The following GPAA1 variants were observed in gnomAD, a reference collection of about 807,000 sequenced individuals.
GPAA1 encodes glycosylphosphatidylinositol anchor attachment 1.
In GPAA1, 54 loss-of-function variants were observed where a neutral mutation model predicts 64.0. That is an observed-to-expected ratio of 0.84 (90% confidence interval 0.68 to 1.06). The LOEUF (loss-of-function observed/expected upper bound fraction) is 1.06, where lower values mean the gene tolerates loss of function less well. Ranked by LOEUF, GPAA1 falls within the 50% of genes least tolerant of loss-of-function variation. The pLI is 0.00. For synonymous variants in GPAA1, 393 were observed against 377.3 expected (o/e 1.04, Z -0.48); for missense variants, 780 against 822.3 (o/e 0.95, Z 0.63).
chr8:144,082,667 T>C lies in GPAA1; in HGVS notation c.-64T>C. On this transcript the variant is annotated 5_prime_UTR_variant, in exon 1 of 12. Coordinates refer to ENST00000355091, the MANE Select transcript of GPAA1 (RefSeq NM_003801.4). ...GTCCCCGGGTCTGACAGGAGCAGCC[T>C]GTGGGCACCGCGGCGGTAGTTGGAG... 2 of 978,198 alleles carry C rather than the reference T, an allele frequency of 2.0e-6. No homozygotes were observed. The highest frequency in any genetic ancestry group is 5.1e-5 in the East Asian group (1 of 19,764). 60.6% of individuals were successfully genotyped at this position (978,198 alleles called of 1,614,324 possible).
Position 144,084,810 on chromosome 8 carries a change from C to T in GPAA1, c.1099C>T (p.Arg367Cys), listed in dbSNP as rs1160454730. The change falls in exon 8 of 12, where the codon CGC becomes TGC. Residue 367 changes from arginine to cysteine, a missense_variant. Transcript: ENST00000355091. ...FFLYLLPGLS[R>C]FVSIGLYMPA... is the part of the protein sequence containing the mutation. The stretch of plus-strand genomic sequence containing the variant: ...CCTCTACTTGCTCCCCGGCCTCTCC[C>T]GCTTCGTCTCCATCGGCCTCTACAT... 23 of 1,613,596 alleles carry T rather than the reference C, an allele frequency of 1.4e-5. No homozygotes were observed. Among genetic ancestry groups the T allele is most frequent in the African/African-American group, 2.7e-5 (2 of 74,926 alleles).
rs1564303840 is a variant in GPAA1, at chr8:144,082,961, G to T, written c.74+157G>T. On this transcript the variant is annotated intron_variant, in intron 1 of 11. Coordinates refer to ENST00000355091, the MANE Select transcript of GPAA1 (RefSeq NM_003801.4). Reference sequence around the variant, plus strand: ...CTCCTGCCCTCTGGAAGCACTGAGGGTATCAGGCCCAGGCTTAGGGCTCGG... The same window carrying T: ...CTCCTGCCCTCTGGAAGCACTGAGGTTATCAGGCCCAGGCTTAGGGCTCGG... 3 of 875,342 alleles carry T rather than the reference G, an allele frequency of 3.4e-6. No individual in the cohort carries two copies. The African/African-American group carries it at 5.1e-5, about 15-fold the overall frequency. The allele number at this position is 875,342 out of a possible 1,614,324, so 54.2% of individuals were successfully genotyped here. A position where few individuals can be genotyped will look rare whatever the true frequency, so the allele number is the denominator to read the frequency against.
intron 9 of GPAA1, 28 bp from the exon 10 acceptor site, chr8:144,085,261 C>G: frequency 6.4e-7 from 1 of 1,566,164 alleles, no homozygotes; most frequent in Non-Finnish European, 8.7e-7. Context: ...CCCCAGGGTC[C>G]ATCTCCAAGA....
In GPAA1 at chr8:144,085,986, A is replaced by G; in HGVS notation, c.1727A>G (p.Glu576Gly). The change falls in exon 12 of 12, where the codon GAG (glutamate) becomes GGG (glycine). Residue 576 changes from glutamate to glycine, a missense_variant. By Grantham distance (98) the Glu-to-Gly change is moderately conservative. Coordinates refer to ENST00000355091, the MANE Select transcript of GPAA1 (RefSeq NM_003801.4). ...CAGGAGGCGCCACTGTCACTGGCCG[A>G]GGGCTGGCAGCTCTTCCTGGCAGCG... ...ELQEAPLSLA[E>G]GWQLFLAALA... 3 of 1,608,286 alleles carry G rather than the reference A, an allele frequency of 1.9e-6. No individual in the cohort carries two copies. The highest frequency in any genetic ancestry group is 2.5e-6 in the Non-Finnish European group (3 of 1,179,910).
In GPAA1 at chr8:144,082,720, C is replaced by A; in HGVS notation, c.-11C>A. The A allele has an allele frequency of 6.9e-7, 1 of 1,453,208 alleles. No homozygotes were observed. Among genetic ancestry groups the A allele is most frequent in the South Asian group, 1.4e-5 (1 of 73,816 alleles). The allele number at this position is 1,453,208 out of a possible 1,614,324, so 90.0% of individuals were successfully genotyped here. A position where few individuals can be genotyped will look rare whatever the true frequency, so the allele number is the denominator to read the frequency against. On this transcript the variant is annotated 5_prime_UTR_variant, in exon 1 of 12. Coordinates refer to ENST00000355091, the MANE Select transcript of GPAA1 (RefSeq NM_003801.4). ...GGGAGAGGGTCCGTAGCCGCGCCGCCCTGCCCCGCCATGGGCCTCCTGTCG... is the reference window on the plus strand; with the variant it reads ...GGGAGAGGGTCCGTAGCCGCGCCGCACTGCCCCGCCATGGGCCTCCTGTCG...
chr8:144,084,915 C>T (rs1554764133), intron 8 of GPAA1, 40 bp downstream of exon 8: 1 of 1,607,496 alleles, frequency 6.2e-7, no homozygotes, highest in Middle Eastern at 1.7e-4. Flanking sequence ...GACCAGCCTC[C>T]AGTCTCCTCA....
chr8:144,084,216 C>T lies in GPAA1; in HGVS notation c.699C>T (p.Thr233=), dbSNP rs782732546. 1 of 1,613,720 alleles carries T rather than the reference C, an allele frequency of 6.2e-7. No individual in the cohort carries two copies. The highest frequency in any genetic ancestry group is 1.1e-5 in the South Asian group (1 of 91,086). The change falls in exon 6 of 12, where the codon ACC becomes ACT. Residue 233 remains threonine, a synonymous_variant. Transcript: ENST00000355091. ...VALELSSDVV[T]SLDVAVEGLN... ...TGGAGCTGAGCAGTGATGTGGTCAC[C>T]AGCCTCGATGTGGCCGTGGAGGGGC...
chr8:144,085,888 C>G lies in GPAA1; in HGVS notation c.1629C>G (p.Leu543=). The part of the protein sequence containing the change: ...ALAKPHGPRT[L]YAALLVLTSP... ...ATGTTGCTTCTCCACCCAGGACCCT[C>G]TATGCTGCCCTGCTGGTGCTGACCA... Residue 543 remains leucine (L), a synonymous_variant, in exon 12 of 12, where the codon CTC becomes CTG. Coordinates refer to ENST00000355091, the MANE Select transcript of GPAA1 (RefSeq NM_003801.4). The G allele has an allele frequency of 6.2e-7, 1 of 1,606,568 alleles. No homozygotes were observed. Among genetic ancestry groups the G allele is most frequent in the South Asian group, 1.1e-5 (1 of 90,914 alleles).
At position 144,086,029 on chromosome 8, in the gene GPAA1, G is replaced by A; in HGVS notation, c.1770G>A (p.Leu590=). ...TGGCAGCGCTAGCCCAGGGTGTGCT[G>A]GAGCACCACACCTACGGCGCCCTGC... ...LFLAALAQGV[L]EHHTYGALLF... Residue 590 remains leucine (L), a synonymous_variant, in exon 12 of 12, where the codon CTG becomes CTA. Coordinates refer to ENST00000355091, the MANE Select transcript of GPAA1 (RefSeq NM_003801.4). 6.2e-7 allele frequency: 1 copy of A among 1,612,452 alleles called. No individual in the cohort carries two copies. The highest frequency in any genetic ancestry group is 8.5e-7 in the Non-Finnish European group (1 of 1,179,968).
In GPAA1 at chr8:144,084,122, T is replaced by C; in HGVS notation, c.617-12T>C. ...ACGTCCTCCATTAGCACTCATTCACTTGCTCCTACAGGCATGCAGTCGTCT... is the reference window on the plus strand; with the variant it reads ...ACGTCCTCCATTAGCACTCATTCACCTGCTCCTACAGGCATGCAGTCGTCT... On this transcript the variant is annotated splice_polypyrimidine_tract_variant and intron_variant, in intron 5 of 11. Transcript: ENST00000355091. The C allele has an allele frequency of 6.2e-7, 1 of 1,613,358 alleles. No homozygotes were observed. Among genetic ancestry groups the C allele is most frequent in the Non-Finnish European group, 8.5e-7 (1 of 1,179,704 alleles).
chr8:144,083,814 A>G lies in GPAA1; in HGVS notation c.467A>G (p.Asn156Ser), dbSNP rs539348473. Residue 156 changes from asparagine (N) to serine (S), a missense_variant, in exon 4 of 12, where the codon AAC becomes AGC. Physicochemically the swap from Asn to Ser is conservative, Grantham distance 46. Coordinates refer to ENST00000355091, the MANE Select transcript of GPAA1 (RefSeq NM_003801.4). ...LTVPCGSDST[N>S]SQAVGLLLAL... is the part of the protein sequence containing the mutation. ...GTGCCCTGTGGCTCTGACTCTACCA[A>G]CAGCCAGGCTGTGGGGCTGCTGCTG... The G allele has an allele frequency of 1.2e-6, 2 of 1,610,726 alleles. No individual in the cohort carries two copies. The highest frequency in any genetic ancestry group is 2.7e-5 in the African/African-American group (2 of 75,060).
At chr8:144,083,587 G>T (rs1270895096) in intron 3 of GPAA1, 87 bp downstream of exon 3, 2 of 1,427,902 alleles carry the variant, frequency 1.4e-6, no homozygotes, top group Non-Finnish European at 2.0e-6. Context: ...GGGGTGTCAT[G>T]GGGCCAGGAA....
At chr8:144,083,623 G>T in intron 3 of GPAA1, 91 bp from the exon 4 acceptor site, 1 of 1,422,394 alleles carries the variant, frequency 7.0e-7, no homozygotes, top group East Asian at 2.3e-5. Flanking sequence ...AATCCCTGGT[G>T]GGCACTGGAG....
rs375932039 is a variant in GPAA1, at chr8:144,083,213, T to C, written c.164T>C (p.Met55Thr). The change falls in exon 2 of 12, where the codon ATG becomes ACG. Residue 55 changes from methionine to threonine, a missense_variant. Physicochemically the swap from Met to Thr is moderately conservative, Grantham distance 81. Transcript: ENST00000355091. ...TQRTYMSENA[M>T]GSTMVEEQFA... ...CGCACTTACATGTCGGAGAACGCCA[T>C]GGGCTCCACCATGGTGGAGGAGCAG... 3.7e-6 allele frequency: 6 copies of C among 1,612,352 alleles called. No homozygotes were observed. The highest frequency in any genetic ancestry group is 5.1e-6 in the Non-Finnish European group (6 of 1,179,414).
chr8:144,084,542 G>A lies in GPAA1; in HGVS notation c.943G>A (p.Glu315Lys). Residue 315 changes from glutamate to lysine, a missense_variant, in exon 7 of 12, where the codon GAG becomes AAG. By Grantham distance (56) the Glu-to-Lys change is moderately conservative. Transcript: ENST00000355091. ...TGGCCTCTTCCTGCGCTACCGTGTGGAGGCCCTAACCCTGCGTGGCATCAA... is the reference window on the plus strand; with the variant it reads ...TGGCCTCTTCCTGCGCTACCGTGTGAAGGCCCTAACCCTGCGTGGCATCAA... ...SHGLFLRYRV[E>K]ALTLRGINSF... 6.2e-7 allele frequency: 1 copy of A among 1,614,014 alleles called. No homozygotes were observed. The highest frequency in any genetic ancestry group is 8.5e-7 in the Non-Finnish European group (1 of 1,180,020).
chr8:144,083,602 A>G, intron 3 of GPAA1, 102 bp downstream of exon 3: 1 of 1,409,046 alleles, frequency 7.1e-7, no homozygotes, highest in Non-Finnish European at 1.0e-6. Flanking sequence ...CAGGAAGCTC[A>G]GTGGGAGGGA....
Position 144,085,300 on chromosome 8 carries a change from G to A in GPAA1, c.1272G>A (p.Leu424=). Reference sequence around the variant, plus strand: ...TGTGTGCCCTGCAGGGTGTGGGGCTGGCCTCGCTCGTGGCACCTCTGCTGA... The same window carrying A: ...TGTGTGCCCTGCAGGGTGTGGGGCTAGCCTCGCTCGTGGCACCTCTGCTGA... ...VPLPPSQGVG[L]ASLVAPLLIS... Residue 424 remains leucine (L), a synonymous_variant, in exon 10 of 12, where the codon CTG becomes CTA. Transcript: ENST00000355091. 1.2e-6 allele frequency: 2 copies of A among 1,604,244 alleles called. No individual in the cohort carries two copies. Among genetic ancestry groups the A allele is most frequent in the Non-Finnish European group, 1.7e-6 (2 of 1,175,172 alleles).
At chr8:144,082,843 C>G in intron 1 of GPAA1, 39 bp downstream of exon 1, 3 of 1,341,282 alleles carry the variant, frequency 2.2e-6, no homozygotes, top group Admixed American at 7.6e-5. Flanking sequence ...CCCGAGGGCC[C>G]TGGGCTCGCG....
chr8:144,083,415 G>A lies in GPAA1; in HGVS notation c.281G>A (p.Arg94Gln). 1 of 1,613,674 alleles carries A rather than the reference G, an allele frequency of 6.2e-7. No homozygotes were observed. The highest frequency in any genetic ancestry group is 8.5e-7 in the Non-Finnish European group (1 of 1,179,938). Reference sequence around the variant, plus strand: ...GCTCTGCCAGTGGCCTGGCTTGAACGGACGATGCGGTCAGTAGGGCTGGAG... The same window carrying A: ...GCTCTGCCAGTGGCCTGGCTTGAACAGACGATGCGGTCAGTAGGGCTGGAG... ...SGALPVAWLE[R>Q]TMRSVGLEVY... Residue 94 changes from arginine (R) to glutamine (Q), a missense_variant, in exon 3 of 12, where the codon CGG (arginine) becomes CAG (glutamine). Arg to Gln is a conservative substitution (Grantham distance 43, BLOSUM62 1). Transcript: ENST00000355091.
Sources: allele counts gnomAD v4.1 joint callset, GRCh38; gene constraint gnomAD v4.1.1; transcripts MANE v1.5; gene names NCBI Gene and HGNC (gene_info 2026-07-23, HGNC 2026-07-21).